NIPBL: variants seen among roughly 807,000 people sequenced by gnomAD.
NIPBL encodes NIPBL cohesin loading factor.
A neutral mutation model predicts 321.8 loss-of-function variants in NIPBL; 19 were observed. That is an observed-to-expected ratio of 0.06 (90% CI 0.04 to 0.09). The LOEUF (loss-of-function observed/expected upper bound fraction) is 0.09, where lower values mean the gene tolerates loss of function less well. Ranked by LOEUF, NIPBL falls within the 10% of genes least tolerant of loss-of-function variation. NIPBL has a pLI of 1.00. For missense variants in NIPBL, 2,210 were observed against 3,327.0 expected, an observed-to-expected ratio of 0.66 and a Z score of 8.26; for synonymous variants, 1,106 against 1,114.1, an observed-to-expected ratio of 0.99 and a Z score of 0.14.
At chr5:36,949,301 A>G (rs971152706) in intron 1 of NIPBL, among the ~76,000 whole-genome samples, 2 of 151,790 alleles carry the variant, frequency 1.3e-5, no homozygotes, top group African/African-American at 4.8e-5. Flanking sequence ...ATGCATAGTA[A>G]TCTCTCATGG....
chr5:36,995,377 C>T (rs1161534708), intron 10 of NIPBL: 4 of 348,740 alleles, frequency 1.1e-5, no homozygotes, highest in Non-Finnish European at 1.5e-5. Context: ...TATATAATTA[C>T]CCTTCATTTT....
chr5:36,953,455 A>G (rs1740626017), intron 1 of NIPBL, among the ~76,000 whole-genome samples, 163 bp from the exon 2 acceptor site: 1 of 152,226 alleles, frequency 6.6e-6, no homozygotes, highest in Non-Finnish European at 1.5e-5. Flanking sequence ...TGTGCAAAGC[A>G]CTTTGCAATT....
In NIPBL at chr5:37,020,920, C is replaced by G. The variant is rs747899939; in HGVS notation, c.5328+43C>G. On this transcript the variant is annotated intron_variant, in intron 27 of 46. Transcript: ENST00000282516. ...TCCTTATACAGTGATATTGATTTTT[C>G]TGATTCTGGATGCTTGTGAGCAGTA... The G allele has an allele frequency of 5.3e-6, 7 of 1,309,470 alleles. No homozygotes were observed. In the Admixed American group the frequency reaches 1.0e-4, roughly 19 times the overall value. 81.1% of individuals were successfully genotyped at this position (1,309,470 alleles called of 1,614,324 possible). A position where few individuals can be genotyped will look rare whatever the true frequency, so the allele number is the denominator to read the frequency against.
intron 1 of NIPBL, chr5:36,885,186 C>T (rs528385347): frequency 4.4e-5 from 23 of 523,784 alleles, no homozygotes; most frequent in South Asian, 1.9e-4. Flanking sequence ...CCTGTCCTCT[C>T]GCTCTCCTCC....
At chr5:37,034,952 C>A (rs1298747424) in intron 32 of NIPBL, among the ~76,000 whole-genome samples, 1 of 152,100 alleles carries the variant, frequency 6.6e-6, no homozygotes, top group Non-Finnish European at 1.5e-5. Context: ...AAAGGAAAAA[C>A]CAAGGATGAG....
At chr5:36,896,628 C>G (rs540846466) in intron 1 of NIPBL, among the ~76,000 whole-genome samples, 61 of 152,180 alleles carry the variant, frequency 4.0e-4, no homozygotes, top group African/African-American at 1.4e-3. Context: ...GAGACAAACT[C>G]TCGCTATATG....
At chr5:37,007,202 A>C in intron 17 of NIPBL, 121 bp from the exon 18 acceptor site, 1 of 775,916 alleles carries the variant, frequency 1.3e-6, no homozygotes, top group Non-Finnish European at 2.1e-6. Context: ...AAAAAGCTTT[A>C]TCTTCCAGGT....
chr5:36,945,154 C>T (rs1239011024), intron 1 of NIPBL, among the ~76,000 whole-genome samples: 1 of 152,092 alleles, frequency 6.6e-6, no homozygotes, highest in Non-Finnish European at 1.5e-5. Flanking sequence ...GAAATTTCCT[C>T]CGTAGCCTCT....
In NIPBL at chr5:37,065,006, G is replaced by A; in HGVS notation, c.*114G>A. 3 of 1,253,090 alleles carry A rather than the reference G, an allele frequency of 2.4e-6. No individual in the cohort carries two copies. The highest frequency in any genetic ancestry group is 3.4e-6 in the Non-Finnish European group (3 of 877,460). The allele number at this position is 1,253,090 out of a possible 1,614,324, so 77.6% of individuals were successfully genotyped here. On this transcript the variant is annotated 3_prime_UTR_variant, in exon 47 of 47. Coordinates refer to ENST00000282516, the MANE Select transcript of NIPBL (RefSeq NM_133433.4). ...TTTTATGAAGAGTAAGTGGAACCTGGGATGCAGGAACAAAAGAAGGAAATG... is the reference window on the plus strand; with the variant it reads ...TTTTATGAAGAGTAAGTGGAACCTGAGATGCAGGAACAAAAGAAGGAAATG...
chr5:36,958,222 G>A lies in NIPBL; in HGVS notation c.349G>A (p.Val117Ile). The A allele has an allele frequency of 6.2e-7, 1 of 1,613,540 alleles. No homozygotes were observed. Among genetic ancestry groups the A allele is most frequent in the Admixed American group, 1.7e-5 (1 of 59,998 alleles). The change falls in exon 4 of 47, where the codon GTA becomes ATA. Residue 117 changes from valine to isoleucine, a missense_variant. Val to Ile is a conservative substitution (Grantham distance 29). Transcript: ENST00000282516. ...FREKSMQNRY[V>I]QSGMMMSQYK... is the part of the protein sequence containing the mutation. ...GGAGAAAAGCATGCAGAACAGATAT[G>A]TACAAAGTGGTGAGTTTCTTAATAA...
chr5:36,919,358 C>T (rs1282445645), intron 1 of NIPBL, among the ~76,000 whole-genome samples: 2 of 151,640 alleles, frequency 1.3e-5, no homozygotes, highest in East Asian at 1.9e-4. Context: ...CTTTATTTCT[C>T]TCCTACCTCT....
intron 2 of NIPBL, 63 bp from the exon 3 acceptor site, chr5:36,955,409 A>G: frequency 7.5e-7 from 1 of 1,329,926 alleles, no homozygotes; most frequent in Non-Finnish European, 1.1e-6. Context: ...CAAAATACAG[A>G]TAAGCACTAA....
intron 1 of NIPBL, among the ~76,000 whole-genome samples, chr5:36,914,350 C>G (rs1010576847): frequency 6.6e-6 from 1 of 152,082 alleles, no homozygotes; most frequent in Non-Finnish European, 1.5e-5. Flanking sequence ...ATAATTCTGC[C>G]TATTAAATTG....
chr5:36,975,514 A>G (rs1330756909), intron 8 of NIPBL, among the ~76,000 whole-genome samples: 2 of 152,176 alleles, frequency 1.3e-5, no homozygotes, highest in Non-Finnish European at 2.9e-5. Context: ...GCACAAAAAT[A>G]TAGAAATAAT....
At chr5:37,007,733 TTTG>T (rs1252687490) in intron 18 of NIPBL, among the ~76,000 whole-genome samples, 1 of 151,986 alleles carries the variant, frequency 6.6e-6, no homozygotes, top group Non-Finnish European at 1.5e-5. Context: ...ATATTAAATG[TTTG>T]TTATTTCTTT....
chr5:36,942,411 GAC>G (rs1259240575), intron 1 of NIPBL, among the ~76,000 whole-genome samples: 8 of 120,012 alleles, frequency 6.7e-5, no homozygotes, highest in African/African-American at 1.0e-4. Context: ...CAGCCTGGGT[GAC>G]AGAGTGAGAC....
intron 1 of NIPBL, among the ~76,000 whole-genome samples, chr5:36,921,142 A>G (rs1486312869): frequency 6.6e-6 from 1 of 151,862 alleles, no homozygotes; most frequent in East Asian, 1.9e-4. Context: ...AATTCATCCT[A>G]CACCACATTT....
rs1178033980 is a variant in NIPBL, at chr5:36,985,426, A to G, written c.2246A>G (p.Gln749Arg). ...KGESRPETPK[Q>R]KNEGRPETPK... ...GAGAGCCGCCCTGAAACTCCAAAGC[A>G]AAAAAATGAAGGGCGACCTGAAACA... The change falls in exon 10 of 47, where the codon CAA (glutamine) becomes CGA (arginine). Residue 749 changes from glutamine to arginine, a missense_variant. By Grantham distance (43) the Gln-to-Arg change is conservative. Transcript: ENST00000282516. 6.2e-7 allele frequency: 1 copy of G among 1,613,652 alleles called. No homozygotes were observed. The highest frequency in any genetic ancestry group is 1.3e-5 in the African/African-American group (1 of 75,004).
At chr5:36,993,587 TA>T (rs1745789397) in intron 10 of NIPBL, among the ~76,000 whole-genome samples, 1 of 152,120 alleles carries the variant, frequency 6.6e-6, no homozygotes, top group Non-Finnish European at 1.5e-5. Context: ...AGGAAAATAT[TA>T]ATTCTGGGAT....
Sources: gnomAD v4.1 joint callset for allele counts (sites outside exome capture counted in the v4.1 genomes callset) on GRCh38, gnomAD v4.1.1 for gene constraint, MANE v1.5 for transcripts, NCBI Gene and HGNC (gene_info 2026-07-23, HGNC 2026-07-21) for gene names.